DLG2: variants seen among roughly 807,000 people sequenced by gnomAD.
DLG2 encodes the protein discs large MAGUK scaffold protein 2, also known as disks large homolog 2.
DLG2 carries 45 observed loss-of-function variants against 132.5 expected under a neutral mutation model. The observed-to-expected ratio is 0.34, with a 90% CI of 0.27 to 0.44. The LOEUF (loss-of-function observed/expected upper bound fraction) is 0.44, where lower values mean the gene tolerates loss of function less well. Ranked by LOEUF, DLG2 falls within the 20% of genes least tolerant of loss-of-function variation. DLG2 has a pLI of 1.00. For missense variants in DLG2, 1,045 were observed against 1,196.9 expected (o/e 0.87, Z 1.87); for synonymous variants, 424 against 419.6 (o/e 1.01, Z -0.13).
chr11:85,481,778 G>C (rs1037555028), intron 3 of DLG2, among the ~76,000 whole-genome samples: 1 of 152,100 alleles, frequency 6.6e-6, no homozygotes, highest in African/African-American at 2.4e-5. Context: ...CATAGTCCTA[G>C]TCATTGGGCC....
chr11:84,015,464 C>T (rs955970475), intron 11 of DLG2, among the ~76,000 whole-genome samples: 7 of 152,126 alleles, frequency 4.6e-5, no homozygotes, highest in African/African-American at 1.7e-4. Context: ...GTTTGCTGTA[C>T]AGATCATCCC....
chr11:85,431,624 CCAA>C (rs923707847), intron 3 of DLG2, among the ~76,000 whole-genome samples: 2 of 152,204 alleles, frequency 1.3e-5, no homozygotes, highest in Non-Finnish European at 2.9e-5. Flanking sequence ...AGCTTCAGGG[CCAA>C]CAACTCCAAC....
chr11:85,165,944 G>A (rs34534676), intron 4 of DLG2, among the ~76,000 whole-genome samples: 2,958 of 152,126 alleles, frequency 0.019, 56 homozygotes, highest in Admixed American at 0.037. Flanking sequence ...AGCCTGTGCA[G>A]CTAACTACTA....
In DLG2 at chr11:84,237,618, T is replaced by A. The variant is rs528624918; in HGVS notation, c.573+13620A>T. On this transcript the variant is annotated intron_variant, in intron 8 of 27. Coordinates refer to ENST00000376104, the MANE Select transcript of DLG2 (RefSeq NM_001142699.3). ...AATGCTGTTCATGAAGAGGAAACTA[T>A]ACTTTGTCACCAAAAGTAAAGTTCA... Among the ~76,000 whole-genome samples the A allele has an allele frequency of 1.8e-4, 28 of 152,342 alleles. 2 individuals carry two copies. The South Asian group carries it at 5.4e-3, about 29-fold the overall frequency.
At chr11:83,641,666 C>T (rs934604199) in intron 18 of DLG2, among the ~76,000 whole-genome samples, 5 of 152,150 alleles carry the variant, frequency 3.3e-5, no homozygotes, top group African/African-American at 9.7e-5. Flanking sequence ...CCGTCAAGAG[C>T]GCTGAGCTCT....
At chr11:84,166,004 C>T (rs942579888) in intron 8 of DLG2, among the ~76,000 whole-genome samples, 1 of 152,150 alleles carries the variant, frequency 6.6e-6, no homozygotes, top group Non-Finnish European at 1.5e-5. Context: ...ATAGGTGAGG[C>T]ATCATTTCAA....
chr11:84,316,799 G>A lies in DLG2; in HGVS notation c.520-65508C>T, dbSNP rs749662677. 5 of 1,574,618 alleles carry A rather than the reference G, an allele frequency of 3.2e-6. No homozygotes were observed. In the Admixed American group the frequency reaches 5.5e-5, roughly 17 times the overall value. The stretch of plus-strand genomic sequence containing the variant: ...GCTCTCACTTTCTTCAGACACTCAA[G>A]GGAAAGTCATAAGGAAAAGGCTCAC... On this transcript the variant is annotated intron_variant, in intron 7 of 27. Coordinates refer to ENST00000376104, the MANE Select transcript of DLG2 (RefSeq NM_001142699.3).
At chr11:85,156,276 T>C (rs1402264205) in intron 4 of DLG2, among the ~76,000 whole-genome samples, 1 of 152,244 alleles carries the variant, frequency 6.6e-6, no homozygotes, top group Non-Finnish European at 1.5e-5. Context: ...TCTACATGTA[T>C]GTGTTTATGT....
At chr11:85,147,058 A>G (rs549592838) in intron 5 of DLG2, among the ~76,000 whole-genome samples, 7 of 152,332 alleles carry the variant, frequency 4.6e-5, no homozygotes, top group South Asian at 4.1e-4. Flanking sequence ...TCCTGCGAAC[A>G]CACAGATTTT....
chr11:84,257,506 G>A (rs2097492471), intron 7 of DLG2, among the ~76,000 whole-genome samples: 1 of 152,080 alleles, frequency 6.6e-6, no homozygotes, highest in Non-Finnish European at 1.5e-5. Context: ...ACAATTCTAT[G>A]AGACAAACAC....
chr11:85,160,593 C>T (rs547243454), intron 4 of DLG2, among the ~76,000 whole-genome samples: 24 of 152,296 alleles, frequency 1.6e-4, no homozygotes, highest in African/African-American at 5.1e-4. Context: ...CAGAGTGGGT[C>T]ATGCACAGCA....
chr11:85,412,157 T>C (rs912114990), intron 3 of DLG2, among the ~76,000 whole-genome samples: 1 of 151,872 alleles, frequency 6.6e-6, no homozygotes, highest in African/African-American at 2.4e-5. Context: ...GGAATAAGCA[T>C]ATGGCCTAAG....
At chr11:83,721,981 T>C (rs1434949850) in intron 18 of DLG2, among the ~76,000 whole-genome samples, 1 of 152,104 alleles carries the variant, frequency 6.6e-6, no homozygotes, top group Non-Finnish European at 1.5e-5. Flanking sequence ...CCAAGGCATA[T>C]AAAAAATACT....
At chr11:84,163,649 G>A (rs894145536) in intron 8 of DLG2, 138 bp from the exon 9 acceptor site, 11 of 676,886 alleles carry the variant, frequency 1.6e-5, no homozygotes, top group Non-Finnish European at 2.7e-5. Context: ...TTCTGATTGT[G>A]CATTTTCATT....
intron 6 of DLG2, among the ~76,000 whole-genome samples, chr11:85,030,956 AATTTT>A (rs1295749445): frequency 2.0e-5 from 3 of 151,860 alleles, no homozygotes; most frequent in East Asian, 1.9e-4. Context: ...AAATCTTTTA[AATTTT>A]ATTTTATTTT....
intron 6 of DLG2, among the ~76,000 whole-genome samples, chr11:84,881,222 G>C (rs889096865): frequency 6.6e-6 from 1 of 152,076 alleles, no homozygotes; most frequent in Non-Finnish European, 1.5e-5. Flanking sequence ...ATCTCTTCCT[G>C]ATAACAGGTT....
intron 3 of DLG2, among the ~76,000 whole-genome samples, chr11:85,498,764 G>A (rs1384466116): frequency 6.6e-6 from 1 of 152,086 alleles, no homozygotes; most frequent in East Asian, 1.9e-4. Context: ...TTAGAACTCA[G>A]GATTAAGTTC....
chr11:85,229,984 T>A (rs573021282), intron 4 of DLG2, among the ~76,000 whole-genome samples: 1 of 151,658 alleles, frequency 6.6e-6, no homozygotes, highest in Admixed American at 6.6e-5. Flanking sequence ...TGTCAAGGGG[T>A]GGGGAGCTAG....
intron 19 of DLG2, among the ~76,000 whole-genome samples, chr11:83,593,585 G>A (rs1292175863): frequency 6.6e-6 from 1 of 150,396 alleles, no homozygotes; most frequent in Non-Finnish European, 1.5e-5. Flanking sequence ...CATGGCACAT[G>A]TATACATATG....
Sources: gnomAD v4.1 joint callset for allele counts (sites outside exome capture counted in the v4.1 genomes callset) on GRCh38, gnomAD v4.1.1 for gene constraint, MANE v1.5 for transcripts, NCBI Gene and HGNC (gene_info 2026-07-23, HGNC 2026-07-21) for gene names.